The following CSMD1 variants were observed in gnomAD, a reference collection of about 807,000 sequenced individuals.
CSMD1 encodes the protein CUB and Sushi multiple domains 1, also known as CUB and sushi domain-containing protein 1.
CSMD1 carries 213 observed loss-of-function variants against 417.5 expected under a neutral mutation model. The ratio of observed to expected loss-of-function variants is 0.51; its 90% CI spans 0.46 to 0.57. The LOEUF (loss-of-function observed/expected upper bound fraction) is 0.57, where lower values mean the gene tolerates loss of function less well. Among genes scored for constraint, CSMD1 ranks in the 20% least tolerant of loss-of-function variants. CSMD1 has a pLI of 0.00. For synonymous variants in CSMD1, 2,862 were observed against 1,736.8 expected, an observed-to-expected ratio of 1.65 and a Z score of -16.11; for missense variants, 6,923 against 4,529.7, an observed-to-expected ratio of 1.53 and a Z score of -15.17.
intron 7 of CSMD1, among the ~76,000 whole-genome samples, chr8:3,685,536 A>G (rs770034738): frequency 6.6e-5 from 10 of 152,142 alleles, no homozygotes; most frequent in South Asian, 2.1e-4. Context: ...GGTTTATATA[A>G]CAGGAAGAAA....
chr8:4,262,079 T>A (rs941440677), intron 3 of CSMD1, among the ~76,000 whole-genome samples: 1 of 152,218 alleles, frequency 6.6e-6, no homozygotes, highest in African/African-American at 2.4e-5. Flanking sequence ...TTTTTTAACC[T>A]CTAAAGTTAG....
At chr8:4,168,608 T>C (rs898508680) in intron 3 of CSMD1, among the ~76,000 whole-genome samples, 2 of 152,044 alleles carry the variant, frequency 1.3e-5, no homozygotes, top group Non-Finnish European at 2.9e-5. Context: ...GCTACCAACA[T>C]GTGTGCAAGA....
At chr8:3,320,373 C>T (rs989183379) in intron 23 of CSMD1, among the ~76,000 whole-genome samples, 6 of 152,106 alleles carry the variant, frequency 3.9e-5, no homozygotes, top group African/African-American at 1.4e-4. Flanking sequence ...TATTGCTTGG[C>T]TCCCCCATGC....
rs548910206 is a variant in CSMD1, at chr8:3,521,908, G to C, written c.1345-28182C>G. Among the ~76,000 whole-genome samples the C allele has an allele frequency of 7.9e-5, 12 of 152,286 alleles. No individual in the cohort carries two copies. The East Asian group carries it at 2.3e-3, about 29-fold the overall frequency. ...AAATTTTGTGTTGTCAATAAAAGCT[G>C]AGGCAAACCCAATTAAATCCATATT... On this transcript the variant is annotated intron_variant, in intron 10 of 69. Transcript: ENST00000635120.
At chr8:4,733,621 T>C (rs1333356627) in intron 1 of CSMD1, among the ~76,000 whole-genome samples, 1 of 152,230 alleles carries the variant, frequency 6.6e-6, no homozygotes, top group Non-Finnish European at 1.5e-5. Context: ...GAAAGCATTT[T>C]TATCCAATAG....
intron 3 of CSMD1, among the ~76,000 whole-genome samples, chr8:4,209,940 A>T (rs980156125): frequency 6.6e-6 from 1 of 152,196 alleles, no homozygotes; most frequent in Non-Finnish European, 1.5e-5. Context: ...GGGTGTTGCT[A>T]TGACAATGGT....
At chr8:3,683,401 A>G (rs1382702040) in intron 7 of CSMD1, among the ~76,000 whole-genome samples, 1 of 152,024 alleles carries the variant, frequency 6.6e-6, no homozygotes, top group African/African-American at 2.4e-5. Context: ...TTATCACTAA[A>G]GTAATTACAG....
chr8:4,967,709 G>C (rs144063151), intron 1 of CSMD1, among the ~76,000 whole-genome samples: 1 of 152,252 alleles, frequency 6.6e-6, no homozygotes, highest in African/African-American at 2.4e-5. Context: ...TAATAAGTCT[G>C]TGTGTGTGTC....
intron 3 of CSMD1, among the ~76,000 whole-genome samples, chr8:4,384,271 A>G (rs1803295787): frequency 1.3e-5 from 2 of 152,166 alleles, no homozygotes; most frequent in South Asian, 4.1e-4. Context: ...CATTGCCAAC[A>G]TGGTAAAGCC....
intron 3 of CSMD1, among the ~76,000 whole-genome samples, chr8:4,239,295 T>C (rs1371232185): frequency 6.6e-6 from 1 of 152,210 alleles, no homozygotes; most frequent in Non-Finnish European, 1.5e-5. Context: ...CTTCTTCTTT[T>C]TGTGTGGGCA....
At chr8:3,839,173 A>G (rs1585072372) in intron 5 of CSMD1, among the ~76,000 whole-genome samples, 2 of 126,594 alleles carry the variant, frequency 1.6e-5, no homozygotes, top group South Asian at 2.3e-4. Flanking sequence ...CTCTCTCTAT[A>G]TATTTATATA....
At chr8:3,671,477 ATATACTCATATATATG>A (rs1799033702) in intron 7 of CSMD1, among the ~76,000 whole-genome samples, 3 of 117,174 alleles carry the variant, frequency 2.6e-5, no homozygotes, top group African/African-American at 1.0e-4. Flanking sequence ...ATAATCATAT[ATATACTCATATATATG>A]ATCATATATA....
chr8:4,171,595 T>G (rs1454144375), intron 3 of CSMD1, among the ~76,000 whole-genome samples: 1 of 151,674 alleles, frequency 6.6e-6, no homozygotes, highest in Non-Finnish European at 1.5e-5. Context: ...ACACAATTCC[T>G]TAGGGGACGG....
At position 3,557,834 on chromosome 8, in the gene CSMD1, C is replaced by A. The variant is rs147669082; in HGVS notation, c.1344+17111G>T. ...GTTGATTATTAATAGCATTATCACCCTTTACTCCAAAGGTAACTTAAGGGT... is the reference window on the plus strand; with the variant it reads ...GTTGATTATTAATAGCATTATCACCATTTACTCCAAAGGTAACTTAAGGGT... On this transcript the variant is annotated intron_variant, in intron 10 of 69. Transcript: ENST00000635120. 1.6e-3 allele frequency among the ~76,000 whole-genome samples: 238 copies of A among 152,264 alleles called. 1 individual carries two copies. The highest frequency in any genetic ancestry group is 2.6e-3 in the Non-Finnish European group (175 of 68,008).
chr8:4,647,344 G>A (rs1417203650), intron 1 of CSMD1, among the ~76,000 whole-genome samples: 1 of 151,344 alleles, frequency 6.6e-6, no homozygotes, highest in Non-Finnish European at 1.5e-5. Context: ...TGCTACGTAG[G>A]TACGCGTGTG....
intron 1 of CSMD1, among the ~76,000 whole-genome samples, chr8:4,762,961 A>C (rs1444259439): frequency 6.6e-6 from 1 of 152,184 alleles, no homozygotes. Context: ...ATTTCTCAAT[A>C]TCTGGTGGCG....
At chr8:4,828,645 C>G (rs182972376) in intron 1 of CSMD1, among the ~76,000 whole-genome samples, 2 of 152,118 alleles carry the variant, frequency 1.3e-5, no homozygotes, top group Non-Finnish European at 2.9e-5. Context: ...GAACGTTACT[C>G]GGCATGGGGT....
chr8:4,725,487 G>T (rs1018917904), intron 1 of CSMD1, among the ~76,000 whole-genome samples: 2 of 151,992 alleles, frequency 1.3e-5, no homozygotes, highest in Non-Finnish European at 2.9e-5. Flanking sequence ...ACATAGTTAC[G>T]TGAGCTCCAC....
intron 5 of CSMD1, among the ~76,000 whole-genome samples, chr8:3,807,038 T>C (rs1195634105): frequency 6.6e-6 from 1 of 152,170 alleles, no homozygotes; most frequent in Non-Finnish European, 1.5e-5. Flanking sequence ...CCAGGCAGTC[T>C]GACTCACAAG....
Sources: gnomAD v4.1 joint callset for allele counts (sites outside exome capture counted in the v4.1 genomes callset) on GRCh38, gnomAD v4.1.1 for gene constraint, MANE v1.5 for transcripts, NCBI Gene and HGNC (gene_info 2026-07-23, HGNC 2026-07-21) for gene names.